Variants in TVP23A observed in about 807,000 individuals in gnomAD.
TVP23A encodes the protein trans-golgi network vesicle protein 23 homolog A.
In TVP23A, 21 loss-of-function variants were observed where a neutral mutation model predicts 31.7. The ratio of observed to expected loss-of-function variants is 0.66; its 90% CI spans 0.47 to 0.95. The LOEUF is 0.95. Among genes scored for constraint, TVP23A ranks in the 40% least tolerant of loss-of-function variants. The probability of loss-of-function intolerance (pLI) is 0.00; values close to 1 mark genes in which losing one functional copy is unlikely to be tolerated. For synonymous variants in TVP23A, 104 were observed against 96.0 expected (o/e 1.08, Z -0.49); for missense variants, 279 against 255.6 (o/e 1.09, Z -0.62).
chr16:10,813,405 A>T (rs1325852442), intron 2 of TVP23A, among the ~76,000 whole-genome samples: 2 of 152,174 alleles, frequency 1.3e-5, no homozygotes, highest in African/African-American at 4.8e-5. Context: ...GGATTTACAA[A>T]TAACTGTTTT....
intron 2 of TVP23A, chr16:10,808,404 C>A: frequency 2.5e-6 from 1 of 394,872 alleles, no homozygotes; most frequent in East Asian, 7.9e-5. Flanking sequence ...TGCCTGAAGA[C>A]CTGAGCCCAC....
At chr16:10,772,953 G>A (rs1211872431) in intron 5 of TVP23A, among the ~76,000 whole-genome samples, 1 of 152,092 alleles carries the variant, frequency 6.6e-6, no homozygotes, top group Non-Finnish European at 1.5e-5. Context: ...CACAATCTTG[G>A]CTCACTGCAA....
rs754694322 is a variant in TVP23A, at chr16:10,777,904, G to A, written c.90-2808C>T. Among the ~76,000 whole-genome samples, 7 of 152,128 alleles carry A rather than the reference G, an allele frequency of 4.6e-5. No individual in the cohort carries two copies. Among genetic ancestry groups the A allele is most frequent in the East Asian group, 1.9e-4 (1 of 5,170 alleles). The stretch of plus-strand genomic sequence containing the variant: ...TGGGCGCCTGTAGTCCCAGCTACTC[G>A]GGACGCTGAGGCAGGAGAATTGCTT... On this transcript the variant is annotated intron_variant, in intron 2 of 7. Transcript: ENST00000299866. The surrounding 1 kb of genome is among the most constrained non-coding windows in gnomAD (Gnocchi z 4.5).
At position 10,809,741 on chromosome 16, in the gene TVP23A, T is replaced by A. The variant is rs542162488; in HGVS notation, c.89+8362A>T. Among the ~76,000 whole-genome samples, 263 of 152,194 alleles carry A rather than the reference T, an allele frequency of 1.7e-3. 3 individuals are homozygous for A. Among genetic ancestry groups the A allele is most frequent in the Non-Finnish European group, 5.9e-4 (40 of 68,008 alleles). ...TGGCTAGGGAGTGGTAGAATCAAGA[T>A]CCAGGTCTGTCTGACCTAAAGCCCA... is the stretch of plus-strand genomic sequence containing the variant. On this transcript the variant is annotated intron_variant, in intron 2 of 7. Transcript: ENST00000299866.
intron 2 of TVP23A, among the ~76,000 whole-genome samples, chr16:10,814,785 C>T (rs1596588399): frequency 6.6e-6 from 1 of 152,204 alleles, no homozygotes; most frequent in Non-Finnish European, 1.5e-5. Context: ...CACCGTGCTG[C>T]ACAGCACAGA....
rs754454597 is a variant in TVP23A at position 10,773,302 on chromosome 16, T to C, written c.453+11A>G. 1.9e-6 allele frequency: 3 copies of C among 1,596,568 alleles called. No homozygotes were observed. The South Asian group carries it at 3.5e-5, about 18-fold the overall frequency. On this transcript the variant is annotated intron_variant, in intron 5 of 7. Transcript: ENST00000299866. ...CATCAAAGCAATGTGGAAGTCAAGA[T>C]CTGGCCTTACCAGCCACTTTAGCTT...
Position 10,818,200 on chromosome 16 carries a change from G to A in TVP23A, c.10-18C>T, listed in dbSNP as rs928112074. On this transcript the variant is annotated intron_variant, in intron 1 of 7. Coordinates refer to ENST00000299866, the MANE Select transcript of TVP23A (RefSeq NM_001079512.4). The surrounding 1 kb of genome is among the most constrained non-coding windows in gnomAD (Gnocchi z 4.7). ...ACCAGGGCCTGGGAGGAGAGCAAGG[G>A]CAGGTGGCAGGCCCAAGCACGGCGC... 1.9e-6 allele frequency: 3 copies of A among 1,589,978 alleles called. No individual in the cohort carries two copies. Among genetic ancestry groups the A allele is most frequent in the Non-Finnish European group, 2.6e-6 (3 of 1,167,410 alleles).
At chr16:10,788,557 T>A (rs2032907368) in intron 2 of TVP23A, among the ~76,000 whole-genome samples, 1 of 151,984 alleles carries the variant, frequency 6.6e-6, no homozygotes. Flanking sequence ...GACAAAGGAA[T>A]GAGAAGAGAC....
rs111395598 is a variant in TVP23A at position 10,777,102 on chromosome 16, T to C, written c.90-2006A>G. Among the ~76,000 whole-genome samples the C allele has an allele frequency of 0.085, 12,990 of 152,192 alleles. 777 individuals carry two copies. The highest frequency in any genetic ancestry group is 0.24 in the South Asian group (1,179 of 4,816). On this transcript the variant is annotated intron_variant, in intron 2 of 7. Coordinates refer to ENST00000299866, the MANE Select transcript of TVP23A (RefSeq NM_001079512.4). The surrounding 1 kb of genome is among the most constrained non-coding windows in gnomAD (Gnocchi z 4.5). The stretch of plus-strand genomic sequence containing the variant: ...CGTTTTACCCAGCCCCTATTCAAGA[T>C]GGAGTTGCTCTGGTTCACACGCCTC...
chr16:10,802,424 C>G (rs1464350491), intron 2 of TVP23A, among the ~76,000 whole-genome samples: 1 of 151,916 alleles, frequency 6.6e-6, no homozygotes, highest in Non-Finnish European at 1.5e-5. Context: ...GGATTACAAG[C>G]ATGTGCCATC....
intron 8 of TVP23A, chr16:10,761,579 G>T (rs1242018211): frequency 9.0e-7 from 1 of 1,106,470 alleles, no homozygotes; most frequent in Non-Finnish European, 1.3e-6. Context: ...CTGTCATTTT[G>T]GGAAGTGGAA....
downstream of TVP23A, chr16:10,761,964 A>G: frequency 1.1e-6 from 1 of 872,644 alleles, no homozygotes; most frequent in Non-Finnish European, 1.8e-6. Flanking sequence ...TGGAAGGAGG[A>G]GGGTCAATGG....
chr16:10,794,780 CT>C (rs1218921089), intron 2 of TVP23A, among the ~76,000 whole-genome samples: 2 of 152,096 alleles, frequency 1.3e-5, no homozygotes, highest in Non-Finnish European at 2.9e-5. Flanking sequence ...AGGGGGCCAC[CT>C]GTCCTAGTTT....
At chr16:10,774,160 G>A in intron 3 of TVP23A, 32 bp from the exon 4 acceptor site, 3 of 1,544,246 alleles carry the variant, frequency 1.9e-6, no homozygotes, top group Non-Finnish European at 2.7e-6. Context: ...CTCTGAGCAG[G>A]TCACAGGCAA....
chr16:10,773,804 C>G (rs1021499112), intron 4 of TVP23A, among the ~76,000 whole-genome samples: 2 of 152,212 alleles, frequency 1.3e-5, no homozygotes, highest in Non-Finnish European at 1.5e-5. Flanking sequence ...CTCCTAACCT[C>G]AAGTGATCCA....
At position 10,767,886 on chromosome 16, in the gene TVP23A, G is replaced by A; in HGVS notation, c.*1216C>T. 1 of 1,466,254 alleles carries A rather than the reference G, an allele frequency of 6.8e-7. No individual in the cohort carries two copies. The highest frequency in any genetic ancestry group is 1.1e-5 in the South Asian group (1 of 88,038). 90.8% of individuals were successfully genotyped at this position (1,466,254 alleles called of 1,614,324 possible). A position where few individuals can be genotyped will look rare whatever the true frequency, so the allele number is the denominator to read the frequency against. On this transcript the variant is annotated 3_prime_UTR_variant, in exon 8 of 8. Transcript: ENST00000299866. This position sits in a 1 kb window ranked among gnomAD's most constrained non-coding sequence, Gnocchi z 4.6. ...GTCACCAGCACGGAAAGAGCCCCAA[G>A]ATCTTGTGGCCATTCTGTTTTCCTC...
chr16:10,800,642 T>C (rs1252937202), intron 2 of TVP23A, among the ~76,000 whole-genome samples: 1 of 152,124 alleles, frequency 6.6e-6, no homozygotes, highest in Admixed American at 6.5e-5. Flanking sequence ...GGGAGGCTCT[T>C]TAGTTTATTT....
Position 10,777,114 on chromosome 16 carries a change from G to C in TVP23A, c.90-2018C>G, listed in dbSNP as rs1259970245. Among the ~76,000 whole-genome samples the C allele has an allele frequency of 1.3e-5, 2 of 152,118 alleles. No individual in the cohort carries two copies. Among genetic ancestry groups the C allele is most frequent in the African/African-American group, 2.4e-5 (1 of 41,418 alleles). On this transcript the variant is annotated intron_variant, in intron 2 of 7. Transcript: ENST00000299866. This position sits in a 1 kb window ranked among gnomAD's most constrained non-coding sequence, Gnocchi z 4.5. ...CCCCTATTCAAGATGGAGTTGCTCT[G>C]GTTCACACGCCTCTGACACAGTGAT...
At chr16:10,816,505 T>C (rs950632333) in intron 2 of TVP23A, among the ~76,000 whole-genome samples, 2 of 152,082 alleles carry the variant, frequency 1.3e-5, no homozygotes, top group African/African-American at 4.8e-5. Flanking sequence ...AGCTAATTTT[T>C]GTATTTTTTG....
Sources: gnomAD v4.1 joint callset for allele counts (sites outside exome capture counted in the v4.1 genomes callset) on GRCh38, gnomAD v4.1.1 for gene constraint, Gnocchi (gnomAD v3.1) non-coding constraint, MANE v1.5 for transcripts, NCBI Gene and HGNC (gene_info 2026-07-23, HGNC 2026-07-21) for gene names.